The following ACTA2 variants were observed in gnomAD, a reference collection of about 807,000 sequenced individuals.
The protein encoded by ACTA2 is actin alpha 2, smooth muscle.
In ACTA2, 12 loss-of-function variants were observed where a neutral mutation model predicts 39.5. That is an observed-to-expected ratio of 0.30 (90% CI 0.19 to 0.49). The LOEUF (loss-of-function observed/expected upper bound fraction) is 0.49, where lower values mean the gene tolerates loss of function less well. ACTA2 is among the 20% of genes least tolerant of loss of function. The pLI, the probability that ACTA2 is intolerant of heterozygous loss-of-function variation, is 0.99. For synonymous variants in ACTA2, 158 were observed against 180.6 expected, an observed-to-expected ratio of 0.88 and a Z score of 1.00; for missense variants, 236 against 498.8, an observed-to-expected ratio of 0.47 and a Z score of 5.02.
intron 4 of ACTA2, 83 bp from the exon 5 acceptor site, chr10:88,941,952 T>G: frequency 7.7e-7 from 1 of 1,297,978 alleles, no homozygotes; most frequent in African/African-American, 1.5e-5. Flanking sequence ...GGTTGATGGA[T>G]GCAGAGGGGC....
chr10:88,957,053 A>G (rs1332203641), upstream of ACTA2, among the ~76,000 whole-genome samples: 3 of 152,172 alleles, frequency 2.0e-5, no homozygotes, highest in East Asian at 5.8e-4. Flanking sequence ...TTCCCAACAC[A>G]TGAATTTTGG....
chr10:88,967,413 A>C (rs753269669), intron 1 of ACTA2, among the ~76,000 whole-genome samples: 1 of 152,168 alleles, frequency 6.6e-6, no homozygotes, highest in Non-Finnish European at 1.5e-5. Context: ...CATCTATAAA[A>C]TGAGAAGGAT....
At chr10:88,978,309 T>G (rs867210336) in intron 1 of ACTA2, among the ~76,000 whole-genome samples, 22 of 141,998 alleles carry the variant, frequency 1.5e-4, no homozygotes, top group South Asian at 2.3e-4. Context: ...AGATGACGAG[T>G]TAGTGGGTGC....
chr10:88,982,578 G>A (rs1177181580), intron 1 of ACTA2, among the ~76,000 whole-genome samples: 3 of 152,152 alleles, frequency 2.0e-5, no homozygotes, highest in Non-Finnish European at 4.4e-5. Flanking sequence ...TATCCTGATT[G>A]GCTGAGGGAG....
chr10:88,941,405 G>C lies in ACTA2; in HGVS notation c.455-15C>G. On this transcript the variant is annotated splice_polypyrimidine_tract_variant and intron_variant, in intron 5 of 8. Transcript: ENST00000224784. ...CAGCACGATGCCTGGGAGACAATTGGGCGTGATAAGTCACCATGGCAGCTG... is the reference window on the plus strand; with the variant it reads ...CAGCACGATGCCTGGGAGACAATTGCGCGTGATAAGTCACCATGGCAGCTG... 2.5e-6 allele frequency: 4 copies of C among 1,613,908 alleles called. No homozygotes were observed. Among genetic ancestry groups the C allele is most frequent in the Non-Finnish European group, 3.4e-6 (4 of 1,179,902 alleles).
intron 1 of ACTA2, among the ~76,000 whole-genome samples, chr10:88,986,555 C>T (rs1346312789): frequency 3.9e-5 from 6 of 152,096 alleles, no homozygotes; most frequent in Admixed American, 3.3e-4. Context: ...ATCTTGGTGG[C>T]CAAGTTTTCC....
chr10:88,940,946 A>G (rs1381613457), intron 6 of ACTA2: 3 of 394,318 alleles, frequency 7.6e-6, no homozygotes, highest in Non-Finnish European at 1.5e-5. Flanking sequence ...TCTCTGCACA[A>G]TCTTCTTCTA....
intron 1 of ACTA2, among the ~76,000 whole-genome samples, chr10:88,966,689 A>G (rs1243929074): frequency 1.3e-5 from 2 of 152,178 alleles, no homozygotes; most frequent in African/African-American, 4.8e-5. Flanking sequence ...AATCACCTGC[A>G]TATCAGTTTC....
chr10:88,948,696 G>C, intron 2 of ACTA2, 106 bp downstream of exon 2: 2 of 1,486,866 alleles, frequency 1.3e-6, no homozygotes, highest in Admixed American at 1.7e-5. Flanking sequence ...TTTGTAACAA[G>C]GTTACATAAC....
intron 1 of ACTA2, among the ~76,000 whole-genome samples, chr10:88,976,034 A>G (rs1846554727): frequency 6.6e-6 from 1 of 152,218 alleles, no homozygotes; most frequent in African/African-American, 2.4e-5. Context: ...CTTATGTCCC[A>G]TCCCGATTAG....
At chr10:88,978,357 A>G (rs1177167529) in intron 1 of ACTA2, among the ~76,000 whole-genome samples, 1 of 151,746 alleles carries the variant, frequency 6.6e-6, no homozygotes, top group Non-Finnish European at 1.5e-5. Flanking sequence ...TATGTAACTA[A>G]CCTGCATAAT....
intron 1 of ACTA2, among the ~76,000 whole-genome samples, chr10:88,970,878 T>G (rs1846427693): frequency 1.0e-5 from 1 of 100,334 alleles, no homozygotes; most frequent in Non-Finnish European, 2.2e-5. Context: ...TAAAAAAGTG[T>G]GTGTGTGTGT....
At chr10:88,988,666 T>C (rs1238653686) in intron 1 of ACTA2, among the ~76,000 whole-genome samples, 1 of 152,182 alleles carries the variant, frequency 6.6e-6, no homozygotes, top group Non-Finnish European at 1.5e-5. Context: ...CTCTCAGGAA[T>C]ATGCTGGTAA....
chr10:88,947,652 G>T (rs1417557993), intron 2 of ACTA2, among the ~76,000 whole-genome samples: 2 of 152,172 alleles, frequency 1.3e-5, no homozygotes, highest in Non-Finnish European at 2.9e-5. Flanking sequence ...GTTCCTTGAT[G>T]AGCTTTTTTA....
rs1032283712 is a variant in ACTA2 at position 88,990,673 on chromosome 10, G to A, written c.-24+266C>T. 6 of 704,182 alleles carry A rather than the reference G, an allele frequency of 8.5e-6. No individual in the cohort carries two copies. Among genetic ancestry groups the A allele is most frequent in the Admixed American group, 2.0e-5 (1 of 49,918 alleles). 43.6% of individuals were successfully genotyped at this position (704,182 alleles called of 1,614,324 possible). ...TGATCTCGCGCAAGAGTGACACACA[G>A]GTGTTCAAAGACGCTTCTGGGGAGT... On this transcript the variant is annotated intron_variant, in intron 1 of 4. Transcript: ENST00000415557. The surrounding 1 kb of genome is among the most constrained non-coding windows in gnomAD (Gnocchi z 4.9).
At chr10:88,981,681 G>A (rs553707684) in intron 1 of ACTA2, among the ~76,000 whole-genome samples, 63 of 152,296 alleles carry the variant, frequency 4.1e-4, no homozygotes, top group Middle Eastern at 3.4e-3. Context: ...ACACTGTAGG[G>A]AGGGAGAGAG....
intron 1 of ACTA2, among the ~76,000 whole-genome samples, chr10:88,967,330 AT>A (rs1337273741): frequency 6.6e-6 from 1 of 152,160 alleles, no homozygotes; most frequent in Non-Finnish European, 1.5e-5. Flanking sequence ...GGTAGGTTGG[AT>A]TCATATCCCA....
rs763996596 is a variant in ACTA2 at position 88,990,861 on chromosome 10, GGAT to G, written c.-24+75_-24+77del. Reference sequence around the variant, plus strand: ...GTTGGGGAAGCTCTTTCACTTCGGAGGATTGCTCAACAACCATGCTGGGCATCT... The same window carrying G: ...GTTGGGGAAGCTCTTTCACTTCGGAGTGCTCAACAACCATGCTGGGCATCT... On this transcript the variant is annotated intron_variant, in intron 1 of 4. Coordinates refer to the ACTA2 transcript ENST00000415557. The surrounding 1 kb of genome is among the most constrained non-coding windows in gnomAD (Gnocchi z 4.9). 9 of 1,614,126 alleles carry G rather than the reference GGAT, an allele frequency of 5.6e-6. No individual in the cohort carries two copies. Among genetic ancestry groups the G allele is most frequent in the Non-Finnish European group, 6.8e-6 (8 of 1,180,060 alleles).
At chr10:88,979,150 G>A (rs1846646556) in intron 1 of ACTA2, among the ~76,000 whole-genome samples, 1 of 152,056 alleles carries the variant, frequency 6.6e-6, no homozygotes, top group Non-Finnish European at 1.5e-5. Flanking sequence ...TAAAATTATA[G>A]ATTCTTTAGC....
Sources: gnomAD v4.1 joint callset for allele counts (sites outside exome capture counted in the v4.1 genomes callset) on GRCh38, gnomAD v4.1.1 for gene constraint, Gnocchi (gnomAD v3.1) non-coding constraint, MANE v1.5 for transcripts, NCBI Gene and HGNC (gene_info 2026-07-23, HGNC 2026-07-21) for gene names.